Variants in ADCK1 observed in about 807,000 individuals in gnomAD.
ADCK1 encodes the protein aarF domain-containing protein kinase 1.
In ADCK1, 41 loss-of-function variants were observed where a neutral mutation model predicts 52.3. The observed-to-expected ratio is 0.78, with a 90% CI of 0.61 to 1.02. The LOEUF is 1.02. Ranked by LOEUF, ADCK1 falls within the 50% of genes least tolerant of loss-of-function variation. ADCK1 has a pLI of 0.00. For missense variants in ADCK1, 658 were observed against 679.5 expected (o/e 0.97, Z 0.35); for synonymous variants, 250 against 274.6 (o/e 0.91, Z 0.89).
chr14:77,827,834 CTTTT>C, intron 3 of ADCK1: 1 of 389,578 alleles, frequency 2.6e-6, no homozygotes, highest in South Asian at 1.8e-5. Context: ...TTTTAAAAGG[CTTTT>C]TTTTTTTTGA....
chr14:77,925,622 G>A, intron 8 of ADCK1, 142 bp from the exon 9 acceptor site: 1 of 812,542 alleles, frequency 1.2e-6, no homozygotes, highest in Non-Finnish European at 1.9e-6. Flanking sequence ...TTCAGGGATG[G>A]CAGAGCTCTG....
intron 5 of ADCK1, among the ~76,000 whole-genome samples, chr14:77,888,359 G>A (rs1313880839): frequency 1.3e-5 from 2 of 152,186 alleles, no homozygotes; most frequent in Non-Finnish European, 2.9e-5. Context: ...CCAAGCTAAG[G>A]CGTAGAATGG....
chr14:77,818,869 T>G, intron 1 of ADCK1, 99 bp from the exon 2 acceptor site: 1 of 1,351,896 alleles, frequency 7.4e-7, no homozygotes. Context: ...TGATCCAAGG[T>G]CATATAATCT....
intron 6 of ADCK1, among the ~76,000 whole-genome samples, chr14:77,903,587 C>T (rs1224437466): frequency 6.6e-6 from 1 of 152,156 alleles, no homozygotes; most frequent in East Asian, 1.9e-4. Flanking sequence ...GGGATGGAAA[C>T]AGGACAAGTG....
intron 7 of ADCK1, among the ~76,000 whole-genome samples, chr14:77,921,758 C>T (rs1041911058): frequency 3.3e-5 from 5 of 152,120 alleles, no homozygotes; most frequent in Non-Finnish European, 7.4e-5. Context: ...CAATTGGCAG[C>T]CCCCACCCTT....
intron 7 of ADCK1, among the ~76,000 whole-genome samples, chr14:77,917,477 C>A (rs973378771): frequency 1.3e-5 from 2 of 152,244 alleles, no homozygotes; most frequent in African/African-American, 4.8e-5. Flanking sequence ...ATAAATTAAT[C>A]CATGTAATTA....
At chr14:77,905,861 A>G (rs2083654768) in intron 6 of ADCK1, among the ~76,000 whole-genome samples, 1 of 152,176 alleles carries the variant, frequency 6.6e-6, no homozygotes, top group African/African-American at 2.4e-5. Context: ...TCACTTTTTT[A>G]AAAAGAAACT....
At chr14:77,850,721 G>A (rs567298698) in intron 3 of ADCK1, among the ~76,000 whole-genome samples, 1 of 142,548 alleles carries the variant, frequency 7.0e-6, no homozygotes, top group South Asian at 2.2e-4. Context: ...CGCAATATCT[G>A]CTCACTGCAA....
At chr14:77,872,123 G>A (rs1287086249) in intron 4 of ADCK1, among the ~76,000 whole-genome samples, 1 of 152,178 alleles carries the variant, frequency 6.6e-6, no homozygotes, top group Admixed American at 6.5e-5. Flanking sequence ...TCTGTCCTGG[G>A]CATGAATTAG....
intron 4 of ADCK1, among the ~76,000 whole-genome samples, chr14:77,872,061 C>A (rs2140167946): frequency 6.6e-6 from 1 of 152,318 alleles, no homozygotes; most frequent in South Asian, 2.1e-4. Context: ...GGAGGCAGGG[C>A]AGGCAGATGA....
intron 1 of ADCK1, among the ~76,000 whole-genome samples, chr14:77,812,748 C>A (rs1444610956): frequency 6.6e-6 from 1 of 152,050 alleles, no homozygotes; most frequent in Non-Finnish European, 1.5e-5. Flanking sequence ...AGCCACCATG[C>A]CTGGCTAGTT....
chr14:77,822,613 G>T, intron 3 of ADCK1, 95 bp downstream of exon 3: 2 of 1,098,626 alleles, frequency 1.8e-6, no homozygotes, highest in Non-Finnish European at 2.8e-6. Flanking sequence ...CCCCCGCAAA[G>T]TGCTGGGATT....
chr14:77,924,257 A>G (rs895330192), intron 7 of ADCK1, 200 bp from the exon 8 acceptor site: 7 of 648,982 alleles, frequency 1.1e-5, no homozygotes, highest in Non-Finnish European at 1.8e-5. Flanking sequence ...TGGTTTCATG[A>G]TTCTAAGGTG....
intron 4 of ADCK1, among the ~76,000 whole-genome samples, chr14:77,859,597 A>G (rs905619704): frequency 2.0e-5 from 3 of 152,206 alleles, no homozygotes; most frequent in African/African-American, 7.2e-5. Context: ...CTTTATCCTC[A>G]GTAGGGCTTT....
intron 5 of ADCK1, 30 bp from the exon 6 acceptor site, chr14:77,899,070 C>T: frequency 6.2e-7 from 1 of 1,612,190 alleles, no homozygotes. Flanking sequence ...TGCTGTGGGC[C>T]AAATGACTGG....
chr14:77,878,924 T>TC (rs5809855), intron 4 of ADCK1, among the ~76,000 whole-genome samples: 56,905 of 151,452 alleles, frequency 0.38, 11,418 homozygotes, highest in Admixed American at 0.5. Flanking sequence ...GACTGTCCCT[T>TC]CCCCCCCCAC....
rs757237522 is a variant in ADCK1 at position 77,859,086 on chromosome 14, G to A, written c.230G>A (p.Arg77His). The A allele has an allele frequency of 6.9e-6, 11 of 1,604,092 alleles. No homozygotes were observed. Among genetic ancestry groups the A allele is most frequent in the Admixed American group, 1.7e-5 (1 of 59,480 alleles). Residue 77 changes from arginine (R) to histidine (H), a missense_variant, in exon 4 of 11, where the codon CGC becomes CAC. Transcript: ENST00000238561. ...YLQLRSKVHL[R>H]SARRLCELCC... ...CCTGTCTTCCTGCAGGTGCACCTTC[G>A]CTCTGCCAGGCGTCTCTGTGAGCTC...
intron 4 of ADCK1, among the ~76,000 whole-genome samples, chr14:77,872,947 A>G (rs1422465705): frequency 6.6e-6 from 1 of 152,100 alleles, no homozygotes; most frequent in Non-Finnish European, 1.5e-5. Flanking sequence ...AAGTGCTGGG[A>G]TTATAGGAGT....
intron 5 of ADCK1, 136 bp downstream of exon 5, chr14:77,887,385 T>G: frequency 9.8e-7 from 1 of 1,025,310 alleles, no homozygotes. Flanking sequence ...AGAGCTGAGA[T>G]TACGACAGAG....
Sources: gnomAD v4.1 joint callset for allele counts (sites outside exome capture counted in the v4.1 genomes callset) on GRCh38, gnomAD v4.1.1 for gene constraint, MANE v1.5 for transcripts, NCBI Gene and HGNC (gene_info 2026-07-23, HGNC 2026-07-21) for gene names.